EFCC1: variants seen among roughly 807,000 people sequenced by gnomAD.
EFCC1 encodes EF-hand and coiled-coil domain containing 1.
In EFCC1, 50 loss-of-function variants were observed where a neutral mutation model predicts 52.1. That is an observed-to-expected ratio of 0.96 (90% CI 0.76 to 1.21). The LOEUF (loss-of-function observed/expected upper bound fraction) is 1.21. Ranked by LOEUF, EFCC1 falls within the 50% of genes most tolerant of loss-of-function variation. The pLI is 0.00. For missense variants in EFCC1, 837 were observed against 867.3 expected (o/e 0.97, Z 0.44); for synonymous variants, 399 against 396.5 (o/e 1.01, Z -0.08).
At chr3:129,003,681 C>A in intron 1 of EFCC1, 113 bp from the exon 2 acceptor site, 1 of 1,053,726 alleles carries the variant, frequency 9.5e-7, no homozygotes, top group Non-Finnish European at 1.2e-6. Context: ...GCGCAAGAAA[C>A]GTGCTCAAGC....
intron 2 of EFCC1, among the ~76,000 whole-genome samples, chr3:129,023,350 T>C (rs1945948071): frequency 1.3e-5 from 2 of 149,604 alleles, no homozygotes; most frequent in South Asian, 2.1e-4. Context: ...TGAGTCTTGC[T>C]CAGTCACCCA....
intron 2 of EFCC1, among the ~76,000 whole-genome samples, chr3:129,013,083 T>C (rs1945401165): frequency 6.6e-6 from 1 of 152,176 alleles, no homozygotes; most frequent in Non-Finnish European, 1.5e-5. Context: ...GACGTGCCAG[T>C]GTCAGGACTT....
chr3:129,002,135 C>G lies in EFCC1; in HGVS notation c.507C>G (p.His169Gln). ...TGCCCCGCGGCGCTCTCAGCGAGCA[C>G]ATCGAGACGCAGATCCGCCTGCGCC... ...PRLPRGALSE[H>Q]IETQIRLRRP... Residue 169 changes from histidine to glutamine, a missense_variant, in exon 1 of 8, where the codon CAC becomes CAG. Coordinates refer to ENST00000683648, the MANE Select transcript of EFCC1 (RefSeq NM_001377500.1). 1 of 1,474,188 alleles carries G rather than the reference C, an allele frequency of 6.8e-7. No homozygotes were observed. Among genetic ancestry groups the G allele is most frequent in the South Asian group, 1.4e-5 (1 of 73,608 alleles). The allele number at this position is 1,474,188 out of a possible 1,614,324, so 91.3% of individuals were successfully genotyped here. A position where few individuals can be genotyped will look rare whatever the true frequency, so the allele number is the denominator to read the frequency against.
chr3:129,038,053 G>T (rs1016912179), intron 6 of EFCC1, among the ~76,000 whole-genome samples: 1 of 137,682 alleles, frequency 7.3e-6, no homozygotes, highest in Admixed American at 7.2e-5. Context: ...GACAGAGTAA[G>T]ACCTTATCTC....
chr3:129,024,825 C>T (rs1374589670), intron 2 of EFCC1, among the ~76,000 whole-genome samples: 2 of 152,154 alleles, frequency 1.3e-5, no homozygotes, highest in East Asian at 1.9e-4. Context: ...GTTTCCAACA[C>T]GTGAACTTTG....
At chr3:129,025,732 AGAC>A (rs1946076250) in intron 2 of EFCC1, among the ~76,000 whole-genome samples, 2 of 148,610 alleles carry the variant, frequency 1.3e-5, no homozygotes, top group Admixed American at 1.3e-4. Flanking sequence ...ACTGGTCACT[AGAC>A]AACAGTAGCA....
intron 2 of EFCC1, among the ~76,000 whole-genome samples, chr3:129,017,190 A>G (rs570194069): frequency 6.6e-6 from 1 of 152,354 alleles, no homozygotes; most frequent in Non-Finnish European, 1.5e-5. Context: ...ATCTGAAGGA[A>G]GCTTCATGAT....
In EFCC1 at chr3:129,037,014, T is replaced by G. The variant is rs765102757; in HGVS notation, c.1490T>G (p.Leu497Arg). 1.2e-6 allele frequency: 2 copies of G among 1,613,900 alleles called. No homozygotes were observed. The highest frequency in any genetic ancestry group is 3.3e-5 in the Admixed American group (2 of 60,010). Residue 497 changes from leucine to arginine, a missense_variant, in exon 6 of 8, where the codon CTG (leucine) becomes CGG (arginine). By Grantham distance (102) the Leu-to-Arg change is moderately radical. Coordinates refer to ENST00000683648, the MANE Select transcript of EFCC1 (RefSeq NM_001377500.1). ...CAGAAGGTGGAAGAGAATGAGCACC[T>G]GAGGCTGGAGCTGCAGATGGTAGAG... is the stretch of plus-strand genomic sequence containing the variant. ...LQQKVEENEH[L>R]RLELQMVETE... is the part of the protein sequence containing the mutation.
At chr3:129,011,704 A>G (rs1945338007) in intron 2 of EFCC1, among the ~76,000 whole-genome samples, 1 of 152,120 alleles carries the variant, frequency 6.6e-6, no homozygotes, top group African/African-American at 2.4e-5. Flanking sequence ...GTGGCTGATC[A>G]GTGGTGTCCC....
chr3:129,032,420 G>A (rs1274351371), intron 3 of EFCC1, among the ~76,000 whole-genome samples: 1 of 152,066 alleles, frequency 6.6e-6, no homozygotes, highest in East Asian at 1.9e-4. Context: ...GGCTGAGACA[G>A]GAGGATCACT....
chr3:129,027,544 G>C (rs1946159822), intron 2 of EFCC1, among the ~76,000 whole-genome samples: 1 of 152,210 alleles, frequency 6.6e-6, no homozygotes, highest in South Asian at 2.1e-4. Flanking sequence ...CACCTGCGCA[G>C]TGAGAGGCTC....
At chr3:129,028,324 TC>T (rs1258111071) in intron 2 of EFCC1, among the ~76,000 whole-genome samples, 1 of 151,970 alleles carries the variant, frequency 6.6e-6, no homozygotes, top group Admixed American at 6.6e-5. Flanking sequence ...CCTCAAGTGA[TC>T]CATCTGCCTC....
chr3:129,016,183 G>A (rs1945575100), intron 2 of EFCC1, among the ~76,000 whole-genome samples: 1 of 152,214 alleles, frequency 6.6e-6, no homozygotes, highest in Admixed American at 6.5e-5. Context: ...AAGTTAACCG[G>A]TCAAACACTA....
In EFCC1 at chr3:129,001,869, G is replaced by A; in HGVS notation, c.241G>A (p.Ala81Thr). The A allele has an allele frequency of 2.6e-6, 4 of 1,545,892 alleles. No individual in the cohort carries two copies. The highest frequency in any genetic ancestry group is 3.5e-6 in the Non-Finnish European group (4 of 1,145,322). ...CCGTCTGCCCCGCGCCGACTTCCGAGCGCTCTGCGCTGTGCTGGGGCTGCG... is the reference window on the plus strand; with the variant it reads ...CCGTCTGCCCCGCGCCGACTTCCGAACGCTCTGCGCTGTGCTGGGGCTGCG... ...AGRLPRADFR[A>T]LCAVLGLRAE... The change falls in exon 1 of 8, where the codon GCG becomes ACG. Residue 81 changes from alanine (A) to threonine (T), a missense_variant. Coordinates refer to ENST00000683648, the MANE Select transcript of EFCC1 (RefSeq NM_001377500.1).
chr3:129,032,474 C>T (rs1576781894), intron 3 of EFCC1, among the ~76,000 whole-genome samples: 1 of 151,924 alleles, frequency 6.6e-6, no homozygotes, highest in East Asian at 1.9e-4. Context: ...CATCACACCA[C>T]TGCACTCCAG....
chr3:129,032,722 A>G, intron 3 of EFCC1, 97 bp from the exon 4 acceptor site: 1 of 1,459,054 alleles, frequency 6.9e-7, no homozygotes, highest in Non-Finnish European at 9.1e-7. Context: ...ATGGCACAAG[A>G]GCCCTCCCCT....
chr3:129,002,340 G>A lies in EFCC1; in HGVS notation c.696+16G>A, dbSNP rs139921016. On this transcript the variant is annotated intron_variant, in intron 1 of 7. Coordinates refer to ENST00000683648, the MANE Select transcript of EFCC1 (RefSeq NM_001377500.1). The stretch of plus-strand genomic sequence containing the variant: ...AGCACTGCAGGTGCGCGCCGGCCAC[G>A]AAGGGAGGGTGGTAACGCCCGGGAG... 184 of 1,512,518 alleles carry A rather than the reference G, an allele frequency of 1.2e-4. 1 individual carries two copies. The African/African-American group carries it at 2.2e-3, about 18-fold the overall frequency. The allele number at this position is 1,512,518 out of a possible 1,614,324, so 93.7% of individuals were successfully genotyped here.
chr3:129,039,758 C>A lies in EFCC1; in HGVS notation c.1710C>A (p.Ala570=). The A allele has an allele frequency of 6.2e-7, 1 of 1,612,284 alleles. No individual in the cohort carries two copies. Among genetic ancestry groups the A allele is most frequent in the Non-Finnish European group, 8.5e-7 (1 of 1,178,990 alleles). Reference sequence around the variant, plus strand: ...CCATCCTGGATGCCCTGCACCAAGCCTTGGCTGCCTGCCAGCTGTTGCGGA... The same window carrying A: ...CCATCCTGGATGCCCTGCACCAAGCATTGGCTGCCTGCCAGCTGTTGCGGA... The part of the protein sequence containing the change: ...PAAILDALHQ[A]LAACQLLRRQ... The change falls in exon 8 of 8, where the codon GCC becomes GCA. Residue 570 remains alanine, a synonymous_variant. Transcript: ENST00000683648.
rs267599600 is a variant in EFCC1, at chr3:129,038,838, C to T, written c.1601C>T (p.Ser534Leu). The T allele has an allele frequency of 8.7e-6, 14 of 1,613,830 alleles. No individual in the cohort carries two copies. The East Asian group carries it at 8.9e-5, about 10-fold the overall frequency. The change falls in exon 7 of 8, where the codon TCG (serine) becomes TTG (leucine). Residue 534 changes from serine to leucine, a missense_variant. Coordinates refer to ENST00000683648, the MANE Select transcript of EFCC1 (RefSeq NM_001377500.1). ...LLQRLRDLNI[S>L]KRALGKILLS... is the part of the protein sequence containing the mutation. ...TTTCCATTTCTTTTTAAGAACATAT[C>T]GAAAAGAGCCCTGGGGAAGATTTTG...
Sources: gnomAD v4.1 joint callset for allele counts (sites outside exome capture counted in the v4.1 genomes callset) on GRCh38, gnomAD v4.1.1 for gene constraint, MANE v1.5 for transcripts, NCBI Gene and HGNC (gene_info 2026-07-23, HGNC 2026-07-21) for gene names.